Variants in HAPLN2 observed in about 807,000 individuals in gnomAD.
HAPLN2 encodes hyaluronan and proteoglycan link protein 2.
In HAPLN2, 27 loss-of-function variants were observed where a neutral mutation model predicts 29.3. The ratio of observed to expected loss-of-function variants is 0.92; its 90% CI spans 0.68 to 1.27. The LOEUF is 1.27. Among genes scored for constraint, HAPLN2 ranks in the 50% most tolerant of loss-of-function variants. The pLI, the probability that HAPLN2 is intolerant of heterozygous loss-of-function variation, is 0.00. For synonymous variants in HAPLN2, 208 were observed against 211.7 expected (o/e 0.98, Z 0.15); for missense variants, 454 against 484.3 (o/e 0.94, Z 0.59).
chr1:156,603,192 C>T, the HAPLN2 span, among the ~76,000 whole-genome samples: 8,425 of 151,774 alleles, frequency 0.056, 346 homozygotes, highest in African/African-American at 0.11. Context: ...TCCCATTCTG[C>T]CACTCATTGT....
the HAPLN2 span, among the ~76,000 whole-genome samples, chr1:156,602,101 C>T: frequency 6.6e-6 from 1 of 151,344 alleles, no homozygotes; most frequent in East Asian, 1.9e-4. Flanking sequence ...CCACGCCTGG[C>T]TAATTTCTGT....
In HAPLN2 at chr1:156,625,064, A is replaced by C; in HGVS notation, c.740-37A>C. 6.5e-7 allele frequency: 1 copy of C among 1,530,182 alleles called. No homozygotes were observed. Among genetic ancestry groups the C allele is most frequent in the African/African-American group, 1.4e-5 (1 of 72,616 alleles). The allele number at this position is 1,530,182 out of a possible 1,614,324, so 94.8% of individuals were successfully genotyped here. A position where few individuals can be genotyped will look rare whatever the true frequency, so the allele number is the denominator to read the frequency against. On this transcript the variant is annotated intron_variant, in intron 6 of 6. Coordinates refer to ENST00000255039, the MANE Select transcript of HAPLN2 (RefSeq NM_021817.3). This position sits in a 1 kb window ranked among gnomAD's most constrained non-coding sequence, Gnocchi z 5.7. ...GGGTGTCAGCCGCCCCTCTCCGCCC[A>C]CCCTGCCCTCGGTCGGTGACCCGCT...
intron 6 of HAPLN2, 126 bp downstream of exon 6, chr1:156,624,909 G>GGGGGCCCCCCCC: frequency 8.0e-6 from 8 of 999,492 alleles, no homozygotes; most frequent in Non-Finnish European, 9.7e-6. Context: ...CCCCCCATCA[G>GGGGGCCCCCCCC]CCCGCCCGCC....
intron 6 of HAPLN2, 129 bp downstream of exon 6, chr1:156,624,912 C>T: frequency 3.9e-6 from 2 of 506,908 alleles, no homozygotes; most frequent in East Asian, 7.5e-5. Context: ...CCCATCAGCC[C>T]GCCCGCCCGC....
At chr1:156,623,367 A>G in intron 2 of HAPLN2, 100 bp from the exon 3 acceptor site, 7 of 983,854 alleles carry the variant, frequency 7.1e-6, no homozygotes, top group Non-Finnish European at 9.0e-6. Flanking sequence ...CCAGCTGGAC[A>G]GTCCCTTCTA....
Position 156,625,442 on chromosome 1 carries a change from C to T in HAPLN2, c.*58C>T. On this transcript the variant is annotated 3_prime_UTR_variant, in exon 7 of 7. Transcript: ENST00000255039. The surrounding 1 kb of genome is among the most constrained non-coding windows in gnomAD (Gnocchi z 5.7). ...GAAGCTTGGGAGTCGTGGCGGGGGT[C>T]TCTCGCCACCCCTTTCCGGAGAGCC... The T allele has an allele frequency of 1.4e-6, 2 of 1,475,012 alleles. No individual in the cohort carries two copies. The highest frequency in any genetic ancestry group is 1.8e-6 in the Non-Finnish European group (2 of 1,101,994). 91.4% of individuals were successfully genotyped at this position (1,475,012 alleles called of 1,614,324 possible). A position where few individuals can be genotyped will look rare whatever the true frequency, so the allele number is the denominator to read the frequency against.
chr1:156,610,334 T>C, the HAPLN2 span, among the ~76,000 whole-genome samples: 7 of 152,018 alleles, frequency 4.6e-5, no homozygotes, highest in South Asian at 1.0e-3. Flanking sequence ...ATCATATTAT[T>C]CGGTGGAAAA....
the HAPLN2 span, among the ~76,000 whole-genome samples, chr1:156,614,176 TAG>T: frequency 2.0e-5 from 3 of 152,048 alleles, no homozygotes. Context: ...AATACTGTGA[TAG>T]AGTTTATTTC....
the HAPLN2 span, among the ~76,000 whole-genome samples, chr1:156,613,751 A>G: frequency 1.3e-5 from 2 of 151,978 alleles, no homozygotes; most frequent in Admixed American, 1.3e-4. Flanking sequence ...CCCCGTCTCT[A>G]TTAAAAATAC....
the HAPLN2 span, among the ~76,000 whole-genome samples, chr1:156,607,842 G>A: frequency 2.8e-3 from 421 of 152,140 alleles, 5 homozygotes; most frequent in African/African-American, 9.7e-3. Flanking sequence ...GAGAAAATAT[G>A]TTGTGGTTGC....
chr1:156,606,489 C>CTT, the HAPLN2 span, among the ~76,000 whole-genome samples: 3 of 136,414 alleles, frequency 2.2e-5, no homozygotes, highest in Admixed American at 7.4e-5. Flanking sequence ...AAGCCCTCCA[C>CTT]TTTTTTTTTT....
At position 156,625,506 on chromosome 1, in the gene HAPLN2, G is replaced by A; in HGVS notation, c.*122G>A. 9.7e-7 allele frequency: 1 copy of A among 1,025,694 alleles called. No homozygotes were observed. Among genetic ancestry groups the A allele is most frequent in the Non-Finnish European group, 1.3e-6 (1 of 754,260 alleles). 63.5% of individuals were successfully genotyped at this position (1,025,694 alleles called of 1,614,324 possible). A position where few individuals can be genotyped will look rare whatever the true frequency, so the allele number is the denominator to read the frequency against. On this transcript the variant is annotated 3_prime_UTR_variant, in exon 7 of 7. Coordinates refer to ENST00000255039, the MANE Select transcript of HAPLN2 (RefSeq NM_021817.3). This position sits in a 1 kb window ranked among gnomAD's most constrained non-coding sequence, Gnocchi z 5.7. ...GACCCGGAGCGGCCTCTCCAGACCT[G>A]CCTTCCCAGCCGGGGGCTGCGGGCC...
intron 5 of HAPLN2, 39 bp downstream of exon 5, chr1:156,624,506 G>C (rs773320868): frequency 7.5e-6 from 12 of 1,606,778 alleles, no homozygotes; most frequent in Admixed American, 1.7e-5. Flanking sequence ...GCCCCGCGGA[G>C]CTGTCTCAGG....
At chr1:156,614,365 C>T (rs1327377851), upstream of HAPLN2, among the ~76,000 whole-genome samples, 1 of 152,164 alleles carries the variant, frequency 6.6e-6, no homozygotes, top group East Asian at 1.9e-4. Context: ...GCTGGGATCA[C>T]AGGCACGCGC....
the HAPLN2 span, among the ~76,000 whole-genome samples, chr1:156,603,216 A>ATT: frequency 0.23 from 33,714 of 145,144 alleles, 4,169 homozygotes; most frequent in South Asian, 0.5. Context: ...ACCTTGAACA[A>ATT]TTTTTTTTTT....
upstream of HAPLN2, among the ~76,000 whole-genome samples, chr1:156,617,090 A>AAAG (rs1678074847): frequency 6.7e-6 from 1 of 148,360 alleles, no homozygotes; most frequent in Non-Finnish European, 1.5e-5. Context: ...ACCCTGTTTC[A>AAAG]AAAGAAAGAA....
At chr1:156,619,981 T>C (rs1423678021) in intron 1 of HAPLN2, 37 bp from the exon 2 acceptor site, 9 of 152,252 alleles carry the variant, frequency 5.9e-5, no homozygotes, top group African/African-American at 2.2e-4. Context: ...CAGAAGCTTT[T>C]CCTCAAAGGT....
Sources: gnomAD v4.1 joint callset for allele counts (sites outside exome capture counted in the v4.1 genomes callset) on GRCh38, gnomAD v4.1.1 for gene constraint, Gnocchi (gnomAD v3.1) non-coding constraint, MANE v1.5 for transcripts, NCBI Gene and HGNC (gene_info 2026-07-23, HGNC 2026-07-21) for gene names.